SNX24: variants seen among roughly 807,000 people sequenced by gnomAD.
The protein encoded by SNX24 is sorting nexin 24.
A neutral mutation model predicts 28.7 loss-of-function variants in SNX24; 22 were observed. The ratio of observed to expected loss-of-function variants is 0.77; its 90% confidence interval spans 0.55 to 1.10. The LOEUF is 1.10. Ranked by LOEUF, SNX24 falls within the 50% of genes least tolerant of loss-of-function variation. The probability of loss-of-function intolerance (pLI) is 0.00; values close to 1 mark genes in which losing one functional copy is unlikely to be tolerated. For synonymous variants in SNX24, 69 were observed against 71.5 expected (o/e 0.96, Z 0.18); for missense variants, 221 against 201.1 (o/e 1.10, Z -0.60).
intron 3 of SNX24, among the ~76,000 whole-genome samples, chr5:122,952,288 T>G (rs1759977503): frequency 6.6e-6 from 1 of 152,190 alleles, no homozygotes; most frequent in Non-Finnish European, 1.5e-5. Context: ...GCAGAATACG[T>G]GCAGCCTGAT....
At chr5:122,976,293 T>TAA (rs5871019) in intron 3 of SNX24, among the ~76,000 whole-genome samples, 6 of 134,766 alleles carry the variant, frequency 4.5e-5, no homozygotes, top group East Asian at 4.5e-4. Flanking sequence ...ACTCAGTCAT[T>TAA]AAAAAAAAAA....
intron 1 of SNX24, among the ~76,000 whole-genome samples, chr5:122,934,084 C>T (rs1030833338): frequency 4.6e-5 from 7 of 152,104 alleles, no homozygotes; most frequent in African/African-American, 1.7e-4. Context: ...TGCTGAATCC[C>T]AGAGCCTAGA....
chr5:122,946,632 A>G (rs563437076), intron 3 of SNX24, among the ~76,000 whole-genome samples: 4 of 152,242 alleles, frequency 2.6e-5, no homozygotes, highest in African/African-American at 4.8e-5. Context: ...TGAAGTGCCA[A>G]CCTCTTTGAA....
chr5:123,010,477 CAG>C (rs1251983370), downstream of SNX24, among the ~76,000 whole-genome samples: 2 of 152,014 alleles, frequency 1.3e-5, no homozygotes, highest in Non-Finnish European at 2.9e-5. Context: ...TTAGTAGAGA[CAG>C]TGTTTCACCA....
chr5:122,920,449 A>T (rs376696844), intron 1 of SNX24, among the ~76,000 whole-genome samples: 9 of 152,230 alleles, frequency 5.9e-5, no homozygotes, highest in East Asian at 5.8e-4. Flanking sequence ...GTAAGCATGC[A>T]TGGTTCGATA....
intron 1 of SNX24, among the ~76,000 whole-genome samples, chr5:122,860,439 G>A (rs1561515792): frequency 1.3e-5 from 2 of 152,164 alleles, no homozygotes. Context: ...CTCATAGGCT[G>A]TGTTTGTTAT....
intron 1 of SNX24, among the ~76,000 whole-genome samples, chr5:122,927,352 T>C (rs1400163110): frequency 6.6e-6 from 1 of 151,688 alleles, no homozygotes; most frequent in Admixed American, 6.6e-5. Context: ...GATATCAATA[T>C]TGTAATTTGT....
At chr5:122,886,788 C>G (rs1374961949) in intron 1 of SNX24, among the ~76,000 whole-genome samples, 3 of 151,814 alleles carry the variant, frequency 2.0e-5, no homozygotes, top group South Asian at 2.1e-4. Context: ...CAAGATCACG[C>G]CATTGCACTC....
intron 2 of SNX24, among the ~76,000 whole-genome samples, chr5:122,940,118 C>A (rs964275502): frequency 6.6e-6 from 1 of 151,956 alleles, no homozygotes; most frequent in Admixed American, 6.6e-5. Flanking sequence ...CTCAGCCTCC[C>A]GAGTAGCTGG....
intron 5 of SNX24, among the ~76,000 whole-genome samples, chr5:123,020,818 G>A (rs891324445): frequency 9.2e-5 from 14 of 152,134 alleles, no homozygotes; most frequent in African/African-American, 3.1e-4. Context: ...TGCTGGCTTC[G>A]CTCTTAGGCC....
At chr5:122,889,739 A>G (rs200931213) in intron 1 of SNX24, among the ~76,000 whole-genome samples, 32 of 129,842 alleles carry the variant, frequency 2.5e-4, no homozygotes, top group East Asian at 9.8e-4. Flanking sequence ...ATATATATAT[A>G]TGTGTATATA....
chr5:122,867,165 G>A (rs1755757486), intron 1 of SNX24, among the ~76,000 whole-genome samples: 2 of 152,166 alleles, frequency 1.3e-5, no homozygotes, highest in Non-Finnish European at 1.5e-5. Context: ...TCTTCAAAAG[G>A]CCATTCCATC....
At chr5:122,862,244 C>A (rs554088136) in intron 1 of SNX24, among the ~76,000 whole-genome samples, 1 of 152,164 alleles carries the variant, frequency 6.6e-6, no homozygotes, top group South Asian at 2.1e-4. Flanking sequence ...GGTCTGGAAG[C>A]AGCCATGAGT....
At chr5:122,865,603 T>C (rs976297195) in intron 1 of SNX24, among the ~76,000 whole-genome samples, 3 of 152,222 alleles carry the variant, frequency 2.0e-5, no homozygotes, top group Admixed American at 1.3e-4. Flanking sequence ...CCTCCCAAAG[T>C]ACTGGAATTA....
chr5:122,921,706 G>A (rs900590213), intron 1 of SNX24, among the ~76,000 whole-genome samples: 8 of 151,938 alleles, frequency 5.3e-5, no homozygotes, highest in Non-Finnish European at 7.4e-5. Context: ...ATTTAGTTCC[G>A]GCTCTTGAGA....
At chr5:122,966,853 G>A (rs998697923) in intron 3 of SNX24, among the ~76,000 whole-genome samples, 3 of 152,160 alleles carry the variant, frequency 2.0e-5, no homozygotes, top group Non-Finnish European at 2.9e-5. Context: ...ATAAAGAGTA[G>A]CTACCATTTT....
chr5:122,929,316 C>G (rs1220066913), intron 1 of SNX24, among the ~76,000 whole-genome samples: 1 of 152,168 alleles, frequency 6.6e-6, no homozygotes, highest in Non-Finnish European at 1.5e-5. Flanking sequence ...AGCATCAGCT[C>G]TTTAGGAAAA....
intron 1 of SNX24, among the ~76,000 whole-genome samples, chr5:122,909,824 T>G (rs1757802621): frequency 6.6e-6 from 1 of 152,206 alleles, no homozygotes; most frequent in Admixed American, 6.5e-5. Flanking sequence ...GGAAGGTACT[T>G]AATAAATACT....
intron 1 of SNX24, among the ~76,000 whole-genome samples, chr5:122,884,206 C>G (rs1193765581): frequency 7.6e-5 from 11 of 145,604 alleles, no homozygotes. Flanking sequence ...TTTTTTTCCT[C>G]TACTTATTGC....
Sources: gnomAD v4.1 joint callset for allele counts (sites outside exome capture counted in the v4.1 genomes callset) on GRCh38, gnomAD v4.1.1 for gene constraint, MANE v1.5 for transcripts, NCBI Gene and HGNC (gene_info 2026-07-23, HGNC 2026-07-21) for gene names.